The following C12orf50 variants were observed in gnomAD, a reference collection of about 807,000 sequenced individuals.
C12orf50 encodes the protein zinc finger CCCH-type containing 11D, also known as uncharacterized protein C12orf50.
A neutral mutation model predicts 61.6 loss-of-function variants in C12orf50; 35 were observed. The ratio of observed to expected loss-of-function variants is 0.57; its 90% CI spans 0.43 to 0.75. C12orf50 has a LOEUF of 0.75. Among genes scored for constraint, C12orf50 ranks in the 30% least tolerant of loss-of-function variants. The pLI is 0.00. For synonymous variants in C12orf50, 178 were observed against 161.5 expected (o/e 1.10, Z -0.77); for missense variants, 475 against 488.5 (o/e 0.97, Z 0.26).
chr12:88,025,361 A>G (rs2032663322), intron 3 of C12orf50, among the ~76,000 whole-genome samples: 1 of 152,148 alleles, frequency 6.6e-6, no homozygotes, highest in African/African-American at 2.4e-5. Flanking sequence ...TTCTCTTCTT[A>G]TTAAAAGTTT....
At chr12:87,986,142 A>G in intron 10 of C12orf50, 89 bp from the exon 11 acceptor site, 9 of 1,439,818 alleles carry the variant, frequency 6.3e-6, no homozygotes, top group Non-Finnish European at 8.7e-6. Flanking sequence ...ACTTCATAGC[A>G]TAATGGAAGC....
At chr12:88,029,277 A>T (rs1592693435) in intron 1 of C12orf50, 63 bp downstream of exon 1, 1 of 300,526 alleles carries the variant, frequency 3.3e-6, no homozygotes, top group East Asian at 8.8e-5. Flanking sequence ...TTTAAAACTG[A>T]CCTCCTGTTG....
chr12:88,027,959 A>T (rs978529738), intron 1 of C12orf50: 14 of 152,146 alleles, frequency 9.2e-5, no homozygotes, highest in African/African-American at 3.1e-4. Context: ...TCAAGTCAAT[A>T]AACTGGTATT....
intron 3 of C12orf50, among the ~76,000 whole-genome samples, chr12:88,013,399 T>C (rs1019985600): frequency 1.3e-5 from 2 of 152,166 alleles, no homozygotes; most frequent in African/African-American, 4.8e-5. Context: ...ATTACAAGTA[T>C]TATTGGACAA....
chr12:87,996,565 T>C lies in C12orf50; in HGVS notation c.367+4A>G, dbSNP rs369684204. The C allele has an allele frequency of 1.6e-5, 26 of 1,605,190 alleles. No individual in the cohort carries two copies. Among genetic ancestry groups the C allele is most frequent in the Non-Finnish European group, 2.1e-5 (25 of 1,172,588 alleles). On this transcript the variant is annotated splice_donor_region_variant and intron_variant, in intron 5 of 12. Transcript: ENST00000298699. ...AGAAAATACAAAAATGTTTGATTTCTTACCAGATTTATAACACATCTCCTT... is the reference window on the plus strand; with the variant it reads ...AGAAAATACAAAAATGTTTGATTTCCTACCAGATTTATAACACATCTCCTT...
chr12:87,989,031 C>T (rs1197090052), intron 8 of C12orf50, among the ~76,000 whole-genome samples: 1 of 151,956 alleles, frequency 6.6e-6, no homozygotes, highest in East Asian at 1.9e-4. Flanking sequence ...AACTTTAGAA[C>T]TAGCAATACT....
intron 7 of C12orf50, among the ~76,000 whole-genome samples, chr12:87,990,443 A>G (rs551567809): frequency 6.6e-6 from 1 of 152,300 alleles, no homozygotes; most frequent in African/African-American, 2.4e-5. Flanking sequence ...AGTGATAAAA[A>G]TGTCAAAAAG....
intron 9 of C12orf50, among the ~76,000 whole-genome samples, chr12:87,987,331 T>C (rs1314321729): frequency 1.3e-5 from 2 of 152,090 alleles, no homozygotes. Flanking sequence ...CTGGGCTTCT[T>C]GAGGGCAAAT....
intron 3 of C12orf50, among the ~76,000 whole-genome samples, chr12:88,005,734 G>T (rs997124994): frequency 1.3e-5 from 2 of 151,642 alleles, no homozygotes; most frequent in Non-Finnish European, 2.9e-5. Flanking sequence ...CCGCCTCCCC[G>T]GTTCAAGCGA....
At chr12:87,990,752 A>T (rs1332631191) in intron 7 of C12orf50, among the ~76,000 whole-genome samples, 2 of 152,150 alleles carry the variant, frequency 1.3e-5, no homozygotes, top group African/African-American at 4.8e-5. Context: ...GAAAGAGCCG[A>T]AAGTCTGGGA....
At chr12:87,987,796 C>G (rs2030902021) in intron 9 of C12orf50, 54 bp downstream of exon 9, 2 of 1,130,508 alleles carry the variant, frequency 1.8e-6, no homozygotes, top group Non-Finnish European at 2.6e-6. Context: ...CAAAACAAAT[C>G]CATGGTAAGA....
In C12orf50 at chr12:88,008,363, A is replaced by T. The variant is rs895597095; in HGVS notation, c.134-10173T>A. ...AGTTTGCTAAGGATGATGGCCTCCAACTCCATCCGTGTCCCTGCAAAGAAT... is the reference window on the plus strand; with the variant it reads ...AGTTTGCTAAGGATGATGGCCTCCATCTCCATCCGTGTCCCTGCAAAGAAT... On this transcript the variant is annotated intron_variant, in intron 3 of 12. Coordinates refer to ENST00000298699, the MANE Select transcript of C12orf50 (RefSeq NM_152589.3). Among the ~76,000 whole-genome samples, 6 of 151,964 alleles carry T rather than the reference A, an allele frequency of 3.9e-5. 1 individual carries two copies. Among genetic ancestry groups the T allele is most frequent in the Admixed American group, 3.3e-4 (5 of 15,258 alleles).
At chr12:87,985,689 G>T (rs1592645036) in intron 11 of C12orf50, 161 bp downstream of exon 11, 1 of 690,084 alleles carries the variant, frequency 1.4e-6, no homozygotes, top group South Asian at 1.8e-5. Context: ...TCATGTGCAG[G>T]ACTGCACATG....
In C12orf50 at chr12:87,989,288, T is replaced by C. The variant is rs759082735; in HGVS notation, c.676A>G (p.Ile226Val). 4 of 1,608,680 alleles carry C rather than the reference T, an allele frequency of 2.5e-6. No homozygotes were observed. Among genetic ancestry groups the C allele is most frequent in the African/African-American group, 1.3e-5 (1 of 74,780 alleles). The change falls in exon 8 of 13, where the codon ATA becomes GTA. Residue 226 changes from isoleucine to valine, a missense_variant. Transcript: ENST00000298699. ...EALTEEKEIT[I>V]SKCSNTKDNK... is the part of the protein sequence containing the mutation. ...CCTTTAGTATTTGAACATTTTGATA[T>C]GGTGATTTCTTTCTCTTCAGTTAAA...
intron 12 of C12orf50, among the ~76,000 whole-genome samples, chr12:87,982,351 A>T (rs2030532405): frequency 6.6e-6 from 1 of 152,190 alleles, no homozygotes. Flanking sequence ...AATGGAAAAC[A>T]GTTATCCCCA....
chr12:88,002,720 T>G (rs2031701851), intron 3 of C12orf50, among the ~76,000 whole-genome samples: 1 of 151,762 alleles, frequency 6.6e-6, no homozygotes, highest in African/African-American at 2.4e-5. Flanking sequence ...ATAGTTGGAT[T>G]TAGGTACACT....
At position 87,994,504 on chromosome 12, in the gene C12orf50, A is replaced by T; in HGVS notation, c.592+129T>A. 3 of 678,668 alleles carry T rather than the reference A, an allele frequency of 4.4e-6. No homozygotes were observed. In the East Asian group the frequency reaches 8.2e-5, roughly 19 times the overall value. 42.0% of individuals were successfully genotyped at this position (678,668 alleles called of 1,614,324 possible). On this transcript the variant is annotated intron_variant, in intron 7 of 12. Coordinates refer to ENST00000298699, the MANE Select transcript of C12orf50 (RefSeq NM_152589.3). ...GTCTCTGAAAGCAACTGATTTTGTG[A>T]TATACCTCCAAACTCTTGTGTTAAA...
rs940357356 is a variant in C12orf50, at chr12:88,023,701, G to C, written c.133+2787C>G. 4.7e-5 allele frequency among the ~76,000 whole-genome samples: 7 copies of C among 149,684 alleles called. No individual in the cohort carries two copies. The South Asian group carries it at 8.4e-4, about 18-fold the overall frequency. On this transcript the variant is annotated intron_variant, in intron 3 of 12. Transcript: ENST00000298699. ...AAAAAAGACTTAAAAAACCCTGGAA[G>C]ATAACCTAGGAAATACCATTCTGGA...
chr12:88,000,575 A>G (rs1056145473), intron 3 of C12orf50, among the ~76,000 whole-genome samples: 1 of 151,928 alleles, frequency 6.6e-6, no homozygotes, highest in Non-Finnish European at 1.5e-5. Flanking sequence ...CAATTTCTGC[A>G]AATAGGTCCA....
Sources: allele counts gnomAD v4.1 joint callset (sites outside exome capture counted in the v4.1 genomes callset), GRCh38; gene constraint gnomAD v4.1.1; transcripts MANE v1.5; gene names NCBI Gene and HGNC (gene_info 2026-07-23, HGNC 2026-07-21).